The following CHODL variants were observed in gnomAD, a reference collection of about 807,000 sequenced individuals.
CHODL encodes chondrolectin.
CHODL carries 29 observed loss-of-function variants against 34.5 expected under a neutral mutation model. The ratio of observed to expected loss-of-function variants is 0.84; its 90% CI spans 0.63 to 1.15. The LOEUF is 1.15. CHODL is among the 50% of genes most tolerant of loss of function. CHODL has a pLI of 0.00. For synonymous variants in CHODL, 125 were observed against 116.1 expected (o/e 1.08, Z -0.49); for missense variants, 332 against 332.5 (o/e 1.00, Z 0.01).
chr21:18,243,548 T>TTTC (rs1491346693), upstream of CHODL, among the ~76,000 whole-genome samples: 3 of 88,478 alleles, frequency 3.4e-5, no homozygotes, highest in African/African-American at 1.8e-4. Flanking sequence ...TAGAATTCTA[T>TTTC]TTTTTTTTTT....
intron 1 of CHODL, among the ~76,000 whole-genome samples, chr21:17,999,797 A>G (rs529435730): frequency 3.6e-4 from 55 of 152,338 alleles, no homozygotes; most frequent in African/African-American, 1.3e-3. Context: ...TTGGGTGGGG[A>G]CACAGCCAAA....
At chr21:18,120,767 A>ATTG (rs1555873618) in intron 2 of CHODL, among the ~76,000 whole-genome samples, 1 of 151,120 alleles carries the variant, frequency 6.6e-6, no homozygotes, top group Non-Finnish European at 1.5e-5. Context: ...GAATATCCTG[A>ATTG]TAATGGACTT....
At chr21:18,002,659 T>C (rs1185564364) in intron 1 of CHODL, among the ~76,000 whole-genome samples, 1 of 152,164 alleles carries the variant, frequency 6.6e-6, no homozygotes, top group African/African-American at 2.4e-5. Flanking sequence ...GCCCTAGCCC[T>C]AGCAGACCTC....
chr21:18,217,927 T>G (rs2073846619), intron 2 of CHODL, among the ~76,000 whole-genome samples: 1 of 152,224 alleles, frequency 6.6e-6, no homozygotes, highest in Non-Finnish European at 1.5e-5. Flanking sequence ...TTTGACTCCA[T>G]GTCCCACATC....
intron 2 of CHODL, among the ~76,000 whole-genome samples, chr21:18,040,196 T>C (rs2064358407): frequency 6.6e-6 from 1 of 151,866 alleles, no homozygotes; most frequent in Non-Finnish European, 1.5e-5. Context: ...TCATGCAAAC[T>C]TTGGTAAAAG....
chr21:18,022,960 G>A (rs2064141298), intron 1 of CHODL, among the ~76,000 whole-genome samples: 1 of 152,200 alleles, frequency 6.6e-6, no homozygotes, highest in South Asian at 2.1e-4. Context: ...GAAAGGGCAA[G>A]TTTTGGGAAG....
At chr21:18,150,419 G>C (rs2072949262) in intron 2 of CHODL, among the ~76,000 whole-genome samples, 1 of 152,158 alleles carries the variant, frequency 6.6e-6, no homozygotes, top group Non-Finnish European at 1.5e-5. Flanking sequence ...AGTCCATTCA[G>C]ATAGTTGGGA....
chr21:18,010,167 G>A (rs1235416136), intron 1 of CHODL, among the ~76,000 whole-genome samples: 2 of 143,058 alleles, frequency 1.4e-5, no homozygotes, highest in African/African-American at 5.1e-5. Flanking sequence ...GCGTGGTGGC[G>A]GGCCCTGTAG....
At chr21:18,033,722 G>A (rs2064275782) in intron 2 of CHODL, among the ~76,000 whole-genome samples, 1 of 151,914 alleles carries the variant, frequency 6.6e-6, no homozygotes, top group African/African-American at 2.4e-5. Flanking sequence ...ATAACTCTAT[G>A]TTTCTGAAGA....
intron 2 of CHODL, among the ~76,000 whole-genome samples, chr21:18,122,295 T>C (rs2065489616): frequency 6.6e-6 from 1 of 152,196 alleles, no homozygotes; most frequent in South Asian, 2.1e-4. Flanking sequence ...TAAAACCTTT[T>C]AATATCTTTT....
intron 2 of CHODL, among the ~76,000 whole-genome samples, chr21:18,121,928 A>AAATTC (rs1195917059): frequency 6.6e-6 from 1 of 152,180 alleles, no homozygotes; most frequent in Non-Finnish European, 1.5e-5. Flanking sequence ...TTCGAAGTGT[A>AAATTC]AATTCCATGA....
At chr21:18,260,085 T>G in intron 3 of CHODL, 115 bp from the exon 4 acceptor site, 1 of 334,176 alleles carries the variant, frequency 3.0e-6, no homozygotes, top group Non-Finnish European at 5.2e-6. Context: ...AGCTGTAAGC[T>G]GTTCAGAAAT....
intron 2 of CHODL, among the ~76,000 whole-genome samples, chr21:18,097,929 T>C (rs1688160): frequency 0.4 from 61,018 of 151,582 alleles, 13,468 homozygotes; most frequent in Non-Finnish European, 0.51. Context: ...CTGCAGTAAA[T>C]TAATTTTTGA....
At chr21:18,158,556 G>A (rs1021403508) in intron 2 of CHODL, among the ~76,000 whole-genome samples, 1 of 152,004 alleles carries the variant, frequency 6.6e-6, no homozygotes, top group Admixed American at 6.6e-5. Flanking sequence ...AAAAGCATGC[G>A]GCCTGGCACG....
At chr21:18,202,798 C>T (rs1170603895) in intron 2 of CHODL, among the ~76,000 whole-genome samples, 1 of 152,164 alleles carries the variant, frequency 6.6e-6, no homozygotes, top group Non-Finnish European at 1.5e-5. Flanking sequence ...GTTTTTAATA[C>T]AGTGACATCA....
At chr21:17,956,628 C>T (rs1380635982) in intron 1 of CHODL, among the ~76,000 whole-genome samples, 1 of 135,908 alleles carries the variant, frequency 7.4e-6, no homozygotes, top group Admixed American at 7.3e-5. Context: ...GATCAAGGCA[C>T]CAGCATATTC....
intron 2 of CHODL, among the ~76,000 whole-genome samples, chr21:18,190,765 G>T (rs977490857): frequency 1.3e-5 from 2 of 152,116 alleles, no homozygotes; most frequent in South Asian, 4.2e-4. Flanking sequence ...AAAACAATAA[G>T]AAGTTTTCTA....
rs550227544 is a variant in CHODL, at chr21:18,163,183, C to A, written c.-44-93326C>A. Reference sequence around the variant, plus strand: ...TATATGTAAGTGAATATTTATTGAACAATTGAATTATGATAAGGCAGGAAA... The same window carrying A: ...TATATGTAAGTGAATATTTATTGAAAAATTGAATTATGATAAGGCAGGAAA... On this transcript the variant is annotated intron_variant, in intron 2 of 6. Transcript: ENST00000400127. Among the ~76,000 whole-genome samples, 12 of 152,212 alleles carry A rather than the reference C, an allele frequency of 7.9e-5. No homozygotes were observed. The East Asian group carries it at 2.1e-3, about 27-fold the overall frequency.
At chr21:18,255,578 T>C (rs1177368762) in intron 1 of CHODL, among the ~76,000 whole-genome samples, 2 of 152,078 alleles carry the variant, frequency 1.3e-5, no homozygotes, top group African/African-American at 4.8e-5. Context: ...CCTACTCAGG[T>C]CTCCATCCAA....
Sources: allele counts gnomAD v4.1 joint callset (sites outside exome capture counted in the v4.1 genomes callset), GRCh38; gene constraint gnomAD v4.1.1; transcripts MANE v1.5; gene names NCBI Gene and HGNC (gene_info 2026-07-23, HGNC 2026-07-21).